The following OSTF1 variants were observed in gnomAD, a reference collection of about 807,000 sequenced individuals.
OSTF1 encodes the protein osteoclast stimulating factor 1.
A neutral mutation model predicts 37.2 loss-of-function variants in OSTF1; 27 were observed. The ratio of observed to expected loss-of-function variants is 0.73; its 90% CI spans 0.54 to 1.00. The LOEUF is 1.00. OSTF1 is among the 50% of genes least tolerant of loss of function. The pLI is 0.00. For synonymous variants in OSTF1, 82 were observed against 89.2 expected, an observed-to-expected ratio of 0.92 and a Z score of 0.46; for missense variants, 232 against 253.8, an observed-to-expected ratio of 0.91 and a Z score of 0.58.
intron 2 of OSTF1, among the ~76,000 whole-genome samples, chr9:75,119,781 A>G (rs1003385521): frequency 1.3e-5 from 2 of 152,204 alleles, no homozygotes; most frequent in Non-Finnish European, 2.9e-5. Flanking sequence ...CCTGGCCAAC[A>G]TGGTGAAACC....
rs1824961610 is a variant in OSTF1, at chr9:75,090,908, AT to A, written c.34+2185del. ...ATAGTCACTTTACACGTGTTAACACATTTGCTGCTCTCAACAATCTTATGAG... is the reference window on the plus strand; with the variant it reads ...ATAGTCACTTTACACGTGTTAACACATTGCTGCTCTCAACAATCTTATGAG... On this transcript the variant is annotated intron_variant, in intron 1 of 9. Coordinates refer to ENST00000346234, the MANE Select transcript of OSTF1 (RefSeq NM_012383.5). Among the ~76,000 whole-genome samples the A allele has an allele frequency of 3.3e-5, 5 of 152,198 alleles. No individual in the cohort carries two copies. In the South Asian group the frequency reaches 1.0e-3, roughly 31 times the overall value.
intron 1 of OSTF1, among the ~76,000 whole-genome samples, chr9:75,093,704 G>A (rs773769120): frequency 1.3e-5 from 2 of 152,076 alleles, no homozygotes; most frequent in African/African-American, 2.4e-5. Context: ...GAGAAAAAAA[G>A]GTTTTTATCT....
chr9:75,146,808 C>G lies in OSTF1; in HGVS notation c.*67C>G. ...TGCCATTCCAAAACTTTGTCTTTGC[C>G]AGAAAAGTGTTGGTAACTATAAAGA... On this transcript the variant is annotated 3_prime_UTR_variant, in exon 10 of 10. Coordinates refer to ENST00000346234, the MANE Select transcript of OSTF1 (RefSeq NM_012383.5). 1 of 1,187,762 alleles carries G rather than the reference C, an allele frequency of 8.4e-7. No individual in the cohort carries two copies. Among genetic ancestry groups the G allele is most frequent in the Non-Finnish European group, 1.2e-6 (1 of 811,520 alleles). 73.6% of individuals were successfully genotyped at this position (1,187,762 alleles called of 1,614,324 possible).
At chr9:75,123,438 A>G (rs1453090367) in intron 2 of OSTF1, among the ~76,000 whole-genome samples, 1 of 151,592 alleles carries the variant, frequency 6.6e-6, no homozygotes, top group Non-Finnish European at 1.5e-5. Context: ...ACAAAAAAAC[A>G]AAAAACAAAA....
At chr9:75,094,528 G>A (rs970899043) in intron 1 of OSTF1, among the ~76,000 whole-genome samples, 5 of 152,112 alleles carry the variant, frequency 3.3e-5, no homozygotes, top group Middle Eastern at 3.4e-3. Context: ...CTCCCTTGGC[G>A]TTTCAGCATT....
At chr9:75,090,816 C>A (rs937940430) in intron 1 of OSTF1, among the ~76,000 whole-genome samples, 3 of 151,976 alleles carry the variant, frequency 2.0e-5, no homozygotes, top group Non-Finnish European at 4.4e-5. Context: ...CAACAGAGTA[C>A]AAAAAACAAA....
chr9:75,126,497 A>G (rs1825664095), intron 2 of OSTF1, among the ~76,000 whole-genome samples: 1 of 152,210 alleles, frequency 6.6e-6, no homozygotes, highest in Admixed American at 6.5e-5. Context: ...ACTTACTTAC[A>G]AAGTCATGGT....
At chr9:75,135,430 T>A (rs1825827150) in intron 7 of OSTF1, among the ~76,000 whole-genome samples, 1 of 149,938 alleles carries the variant, frequency 6.7e-6, no homozygotes. Flanking sequence ...ATGATTATGA[T>A]GAACTCTTTC....
intron 9 of OSTF1, among the ~76,000 whole-genome samples, chr9:75,146,360 C>G (rs1826024381): frequency 6.6e-6 from 1 of 152,250 alleles, no homozygotes; most frequent in Non-Finnish European, 1.5e-5. Context: ...AGGTTGGAAG[C>G]TCAGTTGTCA....
At chr9:75,146,263 T>G (rs1475599498) in intron 9 of OSTF1, among the ~76,000 whole-genome samples, 1 of 152,280 alleles carries the variant, frequency 6.6e-6, no homozygotes, top group African/African-American at 2.4e-5. Context: ...GTTTTCATTC[T>G]TTCTTTTCCT....
In OSTF1 at chr9:75,096,562, C is replaced by T. The variant is rs80071579; in HGVS notation, c.34+7836C>T. Among the ~76,000 whole-genome samples, 17 of 152,174 alleles carry T rather than the reference C, an allele frequency of 1.1e-4. No homozygotes were observed. In the East Asian group the frequency reaches 2.7e-3, roughly 24 times the overall value. On this transcript the variant is annotated intron_variant, in intron 1 of 9. Transcript: ENST00000346234. ...TCTCAGGCCCTTTACAAGGGTCTCC[C>T]TGGCATCCCTACACTCCAGGAATTT...
chr9:75,114,906 C>T (rs1825455129), intron 1 of OSTF1, among the ~76,000 whole-genome samples: 1 of 152,196 alleles, frequency 6.6e-6, no homozygotes, highest in Admixed American at 6.5e-5. Flanking sequence ...ATGCTTCATT[C>T]ATTCCATAAA....
intron 1 of OSTF1, among the ~76,000 whole-genome samples, chr9:75,092,118 A>G (rs1057244754): frequency 3.3e-5 from 5 of 152,198 alleles, no homozygotes; most frequent in African/African-American, 1.2e-4. Context: ...AGTAAGGACA[A>G]AGGACTTGCT....
intron 2 of OSTF1, among the ~76,000 whole-genome samples, chr9:75,126,141 C>G (rs1564163952): frequency 6.6e-6 from 1 of 152,188 alleles, no homozygotes; most frequent in Non-Finnish European, 1.5e-5. Flanking sequence ...TCTCGAACGC[C>G]TGTCCTCAAG....
At chr9:75,141,278 G>A (rs1825938492) in intron 9 of OSTF1, among the ~76,000 whole-genome samples, 1 of 137,614 alleles carries the variant, frequency 7.3e-6, no homozygotes, top group African/African-American at 2.7e-5. Flanking sequence ...TCCAGCCTGG[G>A]TGAGAGCAAG....
At chr9:75,096,383 A>C (rs766556700) in intron 1 of OSTF1, among the ~76,000 whole-genome samples, 4 of 152,142 alleles carry the variant, frequency 2.6e-5, no homozygotes, top group Non-Finnish European at 5.9e-5. Flanking sequence ...TGGATAAGCT[A>C]TTTTGGTTTT....
rs371315026 is a variant in OSTF1, at chr9:75,098,866, T to C, written c.34+10140T>C. On this transcript the variant is annotated intron_variant, in intron 1 of 9. Coordinates refer to ENST00000346234, the MANE Select transcript of OSTF1 (RefSeq NM_012383.5). ...AGGGAGGACTAATCTGCTAAGAGAA[T>C]GATTCTCTCCCTACCCATCACTCTG... Among the ~76,000 whole-genome samples the C allele has an allele frequency of 2.0e-5, 3 of 152,228 alleles. No homozygotes were observed. The East Asian group carries it at 5.8e-4, about 29-fold the overall frequency.
At chr9:75,123,821 T>C (rs1825619972) in intron 2 of OSTF1, among the ~76,000 whole-genome samples, 1 of 152,056 alleles carries the variant, frequency 6.6e-6, no homozygotes, top group Non-Finnish European at 1.5e-5. Flanking sequence ...GATGAAAAAA[T>C]GAGGTCACTT....
intron 3 of OSTF1, 94 bp downstream of exon 3, chr9:75,127,713 A>T: frequency 2.9e-6 from 2 of 695,870 alleles, no homozygotes; most frequent in Non-Finnish European, 4.9e-6. Context: ...GTACATAGAA[A>T]TACATATGTA....
Sources: gnomAD v4.1 joint callset for allele counts (sites outside exome capture counted in the v4.1 genomes callset) on GRCh38, gnomAD v4.1.1 for gene constraint, MANE v1.5 for transcripts, NCBI Gene and HGNC (gene_info 2026-07-23, HGNC 2026-07-21) for gene names.